Variants in GFI1B observed in about 807,000 individuals in gnomAD.
GFI1B encodes the protein growth factor independent 1B transcriptional repressor, also known as zinc finger protein Gfi-1b.
GFI1B carries 20 observed loss-of-function variants against 35.3 expected under a neutral mutation model. The ratio of observed to expected loss-of-function variants is 0.57; its 90% CI spans 0.40 to 0.82. The LOEUF (loss-of-function observed/expected upper bound fraction) is 0.82. GFI1B is among the 40% of genes least tolerant of loss of function. The pLI, the probability that GFI1B is intolerant of heterozygous loss-of-function variation, is 0.00. For missense variants in GFI1B, 430 were observed against 446.3 expected (o/e 0.96, Z 0.33); for synonymous variants, 178 against 177.6 (o/e 1.00, Z -0.02).
Position 132,989,093 on chromosome 9 carries a change from T to A in GFI1B, c.543T>A (p.His181Gln), listed in dbSNP as rs1849189521. 6.2e-7 allele frequency: 1 copy of A among 1,613,882 alleles called. No homozygotes were observed. The highest frequency in any genetic ancestry group is 1.3e-5 in the African/African-American group (1 of 74,924). Residue 181 changes from histidine to glutamine, a missense_variant, in exon 5 of 7, where the codon CAT becomes CAA. His to Gln is a conservative substitution (Grantham distance 24). Transcript: ENST00000372122. The surrounding 1 kb of genome is among the most constrained non-coding windows in gnomAD (Gnocchi z 6.2). Reference sequence around the variant, plus strand: ...CCACCCCTCACGGGCTCGAAGTGCATGTGCGACGCTCCCATAGTGGGACCC... The same window carrying A: ...CCACCCCTCACGGGCTCGAAGTGCAAGTGCGACGCTCCCATAGTGGGACCC... ...VFSTPHGLEV[H>Q]VRRSHSGTRP...
upstream of GFI1B, among the ~76,000 whole-genome samples, chr9:132,974,068 G>A (rs1030753585): frequency 6.6e-6 from 1 of 152,218 alleles, no homozygotes; most frequent in Non-Finnish European, 1.5e-5. Flanking sequence ...AAAGTGGGTA[G>A]AGATCATGGC....
intron 1 of GFI1B, among the ~76,000 whole-genome samples, chr9:132,964,743 CTTTTTTT>C (rs71376675): frequency 0.011 from 1,204 of 107,892 alleles, 8 homozygotes; most frequent in Non-Finnish European, 0.016. Context: ...ATTTTTCTTC[CTTTTTTT>C]TTTTTTTTTT....
At chr9:132,970,503 T>A (rs1239052079) in intron 1 of GFI1B, among the ~76,000 whole-genome samples, 1 of 152,154 alleles carries the variant, frequency 6.6e-6, no homozygotes, top group East Asian at 1.9e-4. Flanking sequence ...CATGCATCCA[T>A]GGCCACGCTT....
At chr9:132,951,702 G>C (rs555653001) in intron 1 of GFI1B, 79 of 152,270 alleles carry the variant, frequency 5.2e-4, no homozygotes, top group African/African-American at 1.7e-3. Flanking sequence ...CTGCTGTCCA[G>C]CTCCTCCTCT....
intron 1 of GFI1B, among the ~76,000 whole-genome samples, chr9:132,954,145 A>G (rs950454022): frequency 1.3e-5 from 2 of 152,012 alleles, no homozygotes; most frequent in Non-Finnish European, 2.9e-5. Flanking sequence ...GCTAGAATGC[A>G]GTGGTGCGAT....
chr9:132,972,766 T>G (rs1479118451), intron 2 of GFI1B: 5 of 152,198 alleles, frequency 3.3e-5, no homozygotes, highest in Non-Finnish European at 7.3e-5. Context: ...AGTGCCACCG[T>G]GTGGTGGGAT....
chr9:132,988,291 G>A lies in GFI1B; in HGVS notation c.333G>A (p.Leu111=). ...FYKPSFSWDT[L]ATTYGHSYRQ... Reference sequence around the variant, plus strand: ...AGCCTAGCTTCTCCTGGGACACCTTGGCCACAACCTATGGCCACAGCTACC... The same window carrying A: ...AGCCTAGCTTCTCCTGGGACACCTTAGCCACAACCTATGGCCACAGCTACC... Residue 111 remains leucine, a synonymous_variant, in exon 4 of 7, where the codon TTG becomes TTA. Transcript: ENST00000372122. The A allele has an allele frequency of 8.7e-6, 14 of 1,614,108 alleles. No individual in the cohort carries two copies. Among genetic ancestry groups the A allele is most frequent in the Non-Finnish European group, 1.1e-5 (13 of 1,179,974 alleles).
intron 1 of GFI1B, among the ~76,000 whole-genome samples, chr9:132,954,846 G>A (rs1848259667): frequency 6.6e-6 from 1 of 151,796 alleles, no homozygotes; most frequent in South Asian, 2.1e-4. Flanking sequence ...AGCCTCCCGA[G>A]TAGCTGGGAC....
chr9:132,977,138 G>A (rs1319301738), upstream of GFI1B, among the ~76,000 whole-genome samples: 5 of 152,116 alleles, frequency 3.3e-5, no homozygotes, highest in Admixed American at 6.5e-5. Flanking sequence ...TGTATTTTTT[G>A]TAGAGATGGG....
rs1848286103 is a variant in GFI1B, at chr9:132,956,522, A to T, written c.-701+10853A>T. ...AGACAGAGACTCCAGGAACCCATGG[A>T]TGCTCTTCCATCCTTCCCTGCCAAA... is the stretch of plus-strand genomic sequence containing the variant. On this transcript the variant is annotated intron_variant, in intron 1 of 10. Coordinates refer to the GFI1B transcript ENST00000339463. 2.6e-5 allele frequency among the ~76,000 whole-genome samples: 4 copies of T among 152,214 alleles called. No homozygotes were observed. In the South Asian group the frequency reaches 8.3e-4, roughly 31 times the overall value.
In GFI1B at chr9:132,983,746, C is replaced by T. The variant is rs145143690; in HGVS notation, c.-20-2913C>T. ...TTCAAACTGCTGTTTTCATCCCTAGCACGTCGGCTCCACTCCCTCTGCAGA... is the reference window on the plus strand; with the variant it reads ...TTCAAACTGCTGTTTTCATCCCTAGTACGTCGGCTCCACTCCCTCTGCAGA... On this transcript the variant is annotated intron_variant, in intron 1 of 6. Transcript: ENST00000372122. Among the ~76,000 whole-genome samples the T allele has an allele frequency of 3.5e-3, 529 of 152,350 alleles. 7 individuals are homozygous for T. The highest frequency in any genetic ancestry group is 0.012 in the East Asian group (63 of 5,184).
chr9:132,956,703 C>G (rs1848288428), intron 1 of GFI1B, among the ~76,000 whole-genome samples: 1 of 152,202 alleles, frequency 6.6e-6, no homozygotes, highest in East Asian at 1.9e-4. Context: ...GCAATTAATT[C>G]TGAAATGTAG....
chr9:132,989,292 C>A lies in GFI1B; in HGVS notation c.648+94C>A. On this transcript the variant is annotated intron_variant, in intron 5 of 6. Coordinates refer to ENST00000372122, the MANE Select transcript of GFI1B (RefSeq NM_001377304.1). The surrounding 1 kb of genome is among the most constrained non-coding windows in gnomAD (Gnocchi z 6.2). Reference sequence around the variant, plus strand: ...GGCTGTGGCTGGGTCCCTCCCCCTGCCCCTGGGGGTGACACAGATTGGGAG... The same window carrying A: ...GGCTGTGGCTGGGTCCCTCCCCCTGACCCTGGGGGTGACACAGATTGGGAG... 1 of 1,259,056 alleles carries A rather than the reference C, an allele frequency of 7.9e-7. No homozygotes were observed. Among genetic ancestry groups the A allele is most frequent in the Non-Finnish European group, 1.1e-6 (1 of 875,994 alleles). 78.0% of individuals were successfully genotyped at this position (1,259,056 alleles called of 1,614,324 possible).
intron 1 of GFI1B, among the ~76,000 whole-genome samples, chr9:132,968,296 T>G (rs1271513799): frequency 3.3e-5 from 5 of 151,576 alleles, no homozygotes; most frequent in African/African-American, 4.9e-5. Flanking sequence ...GAAAAATTTT[T>G]TTTTTAGTAG....
At chr9:132,973,351 G>GC (rs942234116) in intron 2 of GFI1B, among the ~76,000 whole-genome samples, 7 of 152,358 alleles carry the variant, frequency 4.6e-5, no homozygotes, top group African/African-American at 1.7e-4. Context: ...AGGGCCCGTG[G>GC]CCCGGCCTCA....
In GFI1B at chr9:132,989,629, C is replaced by T. The variant is rs1307897596; in HGVS notation, c.649-113C>T. 38 of 780,874 alleles carry T rather than the reference C, an allele frequency of 4.9e-5. No homozygotes were observed. The highest frequency in any genetic ancestry group is 7.1e-5 in the Non-Finnish European group (33 of 467,684). The allele number at this position is 780,874 out of a possible 1,614,324, so 48.4% of individuals were successfully genotyped here. ...TCAGAGGCAGAGATGAGGGGTCCCCCGGTCCTGCTCCTCCAGGCCGCCCCA... is the reference window on the plus strand; with the variant it reads ...TCAGAGGCAGAGATGAGGGGTCCCCTGGTCCTGCTCCTCCAGGCCGCCCCA... On this transcript the variant is annotated intron_variant, in intron 5 of 6. Coordinates refer to ENST00000372122, the MANE Select transcript of GFI1B (RefSeq NM_001377304.1). This position sits in a 1 kb window ranked among gnomAD's most constrained non-coding sequence, Gnocchi z 6.2.
At chr9:132,961,309 A>G (rs1458014141) in intron 1 of GFI1B, among the ~76,000 whole-genome samples, 2 of 152,134 alleles carry the variant, frequency 1.3e-5, no homozygotes, top group African/African-American at 2.4e-5. Context: ...GCAAAGTCAG[A>G]AGATAAATGA....
chr9:132,962,718 C>A, intron 1 of GFI1B: 1 of 417,974 alleles, frequency 2.4e-6, no homozygotes, highest in Non-Finnish European at 4.6e-6. Context: ...AGGTCACCAT[C>A]ATCACCATAT....
chr9:132,962,942 C>T (rs1211749321), intron 1 of GFI1B, among the ~76,000 whole-genome samples: 7 of 145,158 alleles, frequency 4.8e-5, no homozygotes, highest in African/African-American at 1.5e-4. Context: ...AATAGCCAGG[C>T]GTGGTGGCAC....
Sources: allele counts gnomAD v4.1 joint callset (sites outside exome capture counted in the v4.1 genomes callset), GRCh38; gene constraint gnomAD v4.1.1; non-coding constraint Gnocchi (gnomAD v3.1); transcripts MANE v1.5; gene names NCBI Gene and HGNC (gene_info 2026-07-23, HGNC 2026-07-21).